The following BANK1 variants were observed in gnomAD, a reference collection of about 807,000 sequenced individuals.
The protein encoded by BANK1 is B cell scaffold protein with ankyrin repeats 1.
Under a neutral mutation model 94.5 loss-of-function variants are expected in BANK1, and 95 were observed. The observed-to-expected ratio is 1.00, with a 90% confidence interval of 0.85 to 1.19. The LOEUF is 1.19. Ranked by LOEUF, BANK1 falls within the 50% of genes most tolerant of loss-of-function variation. The pLI is 0.00. For synonymous variants in BANK1, 334 were observed against 308.4 expected (o/e 1.08, Z -0.87); for missense variants, 987 against 932.2 (o/e 1.06, Z -0.77).
chr4:101,976,795 A>G (rs1725149007), intron 7 of BANK1: 1 of 152,170 alleles, frequency 6.6e-6, no homozygotes, highest in African/African-American at 2.4e-5. Flanking sequence ...AAACTTAGTC[A>G]AAACAGGCAT....
intron 16 of BANK1, 48 bp from the exon 17 acceptor site, chr4:102,073,957 T>C: frequency 7.4e-6 from 3 of 404,532 alleles, no homozygotes; most frequent in Non-Finnish European, 1.3e-5. Flanking sequence ...TCAATTTAAA[T>C]TGATGAGCTA....
chr4:101,853,351 T>C (rs1185636419), intron 2 of BANK1, among the ~76,000 whole-genome samples: 1 of 152,034 alleles, frequency 6.6e-6, no homozygotes, highest in African/African-American at 2.4e-5. Context: ...GTGACTTCTC[T>C]TTTTTTTGGA....
intron 7 of BANK1, among the ~76,000 whole-genome samples, chr4:101,996,671 T>C (rs1288335485): frequency 6.6e-6 from 1 of 152,196 alleles, no homozygotes; most frequent in Non-Finnish European, 1.5e-5. Flanking sequence ...TATTCCTAGG[T>C]ATTTTATTCT....
intron 7 of BANK1, among the ~76,000 whole-genome samples, chr4:101,998,078 A>G (rs1243351941): frequency 6.6e-6 from 1 of 152,056 alleles, no homozygotes; most frequent in Admixed American, 6.6e-5. Flanking sequence ...CCCTGTAAAC[A>G]CTGCTTTACT....
chr4:102,032,029 A>G (rs1727336530), intron 10 of BANK1, among the ~76,000 whole-genome samples: 1 of 152,232 alleles, frequency 6.6e-6, no homozygotes, highest in South Asian at 2.1e-4. Flanking sequence ...TATAGATTAT[A>G]AAGTCAGGGA....
intron 4 of BANK1, among the ~76,000 whole-genome samples, chr4:101,869,545 T>G (rs1391109208): frequency 6.6e-6 from 1 of 151,920 alleles, no homozygotes; most frequent in Non-Finnish European, 1.5e-5. Context: ...TTCGTTGCAT[T>G]TAAGTTTCCC....
intron 10 of BANK1, among the ~76,000 whole-genome samples, chr4:102,034,032 CTT>C (rs34124429): frequency 3.3e-5 from 5 of 150,838 alleles, no homozygotes; most frequent in African/African-American, 4.9e-5. Flanking sequence ...CACATCTTTC[CTT>C]TTTTTTTTCC....
intron 7 of BANK1, among the ~76,000 whole-genome samples, chr4:101,946,158 T>G (rs957301745): frequency 6.6e-6 from 1 of 151,968 alleles, no homozygotes; most frequent in Non-Finnish European, 1.5e-5. Context: ...CAATAAAATT[T>G]TAACTTTCCA....
At chr4:101,805,061 T>C (rs1037394617) in intron 1 of BANK1, among the ~76,000 whole-genome samples, 3 of 152,218 alleles carry the variant, frequency 2.0e-5, no homozygotes, top group Non-Finnish European at 4.4e-5. Flanking sequence ...GTGAACTATG[T>C]AAGTGACATC....
At chr4:102,073,098 A>G (rs931383132) in intron 15 of BANK1, among the ~76,000 whole-genome samples, 10 of 152,032 alleles carry the variant, frequency 6.6e-5, no homozygotes, top group African/African-American at 2.2e-4. Context: ...CCAAAGTTTA[A>G]TAACCCTTTA....
intron 11 of BANK1, among the ~76,000 whole-genome samples, chr4:102,057,320 T>A (rs1728262981): frequency 6.8e-6 from 1 of 146,016 alleles, no homozygotes; most frequent in Non-Finnish European, 1.5e-5. Context: ...GTTTCTCTAT[T>A]TCTCTCTCTC....
At chr4:101,791,702 A>G (rs905557731) in intron 1 of BANK1, among the ~76,000 whole-genome samples, 29 of 152,234 alleles carry the variant, frequency 1.9e-4, no homozygotes, top group African/African-American at 7.0e-4. Flanking sequence ...AAGAAAGTAT[A>G]TTCTGAGTGA....
chr4:101,962,709 G>T (rs1477206272), intron 7 of BANK1, among the ~76,000 whole-genome samples: 1 of 151,946 alleles, frequency 6.6e-6, no homozygotes, highest in Non-Finnish European at 1.5e-5. Flanking sequence ...AAACCATGCT[G>T]TAAGGAATAT....
chr4:101,982,812 C>T (rs1004663783), intron 7 of BANK1, among the ~76,000 whole-genome samples: 3 of 151,454 alleles, frequency 2.0e-5, no homozygotes, highest in African/African-American at 4.9e-5. Context: ...TTAAAAATGC[C>T]GCCCAACCAA....
At chr4:101,839,398 C>CT (rs1726947563) in intron 2 of BANK1, among the ~76,000 whole-genome samples, 1 of 152,214 alleles carries the variant, frequency 6.6e-6, no homozygotes, top group South Asian at 2.1e-4. Context: ...ATCACAAGTG[C>CT]TCCTCTAAAG....
chr4:101,846,134 A>G (rs1727233469), intron 2 of BANK1, among the ~76,000 whole-genome samples: 2 of 151,402 alleles, frequency 1.3e-5, no homozygotes, highest in African/African-American at 4.9e-5. Context: ...ACGTATGTTT[A>G]TTGCCGCACT....
chr4:102,069,612 A>G (rs138189397), intron 13 of BANK1, among the ~76,000 whole-genome samples: 2 of 152,340 alleles, frequency 1.3e-5, no homozygotes, highest in Non-Finnish European at 2.9e-5. Flanking sequence ...CAAGACAGAT[A>G]AATGCTTGTG....
At chr4:101,871,615 C>T (rs998219635) in intron 5 of BANK1, among the ~76,000 whole-genome samples, 4 of 152,048 alleles carry the variant, frequency 2.6e-5, no homozygotes, top group African/African-American at 9.7e-5. Context: ...TAACATTTGT[C>T]AAAATGGAGA....
intron 11 of BANK1, among the ~76,000 whole-genome samples, chr4:102,056,879 G>A (rs557844123): frequency 2.6e-5 from 4 of 152,134 alleles, no homozygotes; most frequent in East Asian, 3.9e-4. Flanking sequence ...GGTGGCGCAC[G>A]CCTGTAATCC....
Sources: allele counts gnomAD v4.1 joint callset (sites outside exome capture counted in the v4.1 genomes callset), GRCh38; gene constraint gnomAD v4.1.1; transcripts MANE v1.5; gene names NCBI Gene and HGNC (gene_info 2026-07-23, HGNC 2026-07-21).